The following CDYL2 variants were observed in gnomAD, a reference collection of about 807,000 sequenced individuals.
CDYL2 encodes chromodomain Y-like protein 2.
Under a neutral mutation model 49.4 loss-of-function variants are expected in CDYL2, and 23 were observed. The observed-to-expected ratio is 0.47, with a 90% CI of 0.34 to 0.66. The LOEUF (loss-of-function observed/expected upper bound fraction) is 0.66. Among genes scored for constraint, CDYL2 ranks in the 30% least tolerant of loss-of-function variants. CDYL2 has a pLI of 0.01. For synonymous variants in CDYL2, 360 were observed against 268.8 expected, an observed-to-expected ratio of 1.34 and a Z score of -3.32; for missense variants, 678 against 656.4, an observed-to-expected ratio of 1.03 and a Z score of -0.36.
At chr16:80,654,737 A>G (rs78891651) in intron 2 of CDYL2, among the ~76,000 whole-genome samples, 2,550 of 152,320 alleles carry the variant, frequency 0.017, 57 homozygotes, top group African/African-American at 0.039. Context: ...CGGCATGGAG[A>G]TGGGCCTGTG....
At chr16:80,785,758 A>C (rs1907414960) in intron 1 of CDYL2, among the ~76,000 whole-genome samples, 1 of 152,176 alleles carries the variant, frequency 6.6e-6, no homozygotes, top group African/African-American at 2.4e-5. Context: ...CTGGTACCAA[A>C]ACAGAGATAT....
chr16:80,677,024 G>T (rs1909776415), intron 2 of CDYL2, among the ~76,000 whole-genome samples: 1 of 137,504 alleles, frequency 7.3e-6, no homozygotes, highest in Non-Finnish European at 1.5e-5. Flanking sequence ...AGGCTGGAGT[G>T]CAGTGGCACA....
chr16:80,782,169 G>C (rs1421448953), intron 1 of CDYL2, among the ~76,000 whole-genome samples: 2 of 151,804 alleles, frequency 1.3e-5, no homozygotes, highest in African/African-American at 2.4e-5. Flanking sequence ...TGAAAAAAGA[G>C]AAATTACTAC....
chr16:80,670,454 A>C (rs1457906756), intron 2 of CDYL2, among the ~76,000 whole-genome samples: 1 of 152,120 alleles, frequency 6.6e-6, no homozygotes, highest in Non-Finnish European at 1.5e-5. Context: ...AAGTTTCCTG[A>C]GGCCTCCACA....
At chr16:80,758,650 C>G (rs936493424) in intron 1 of CDYL2, among the ~76,000 whole-genome samples, 1 of 149,268 alleles carries the variant, frequency 6.7e-6, no homozygotes, top group Non-Finnish European at 1.5e-5. Context: ...TCACGCCATT[C>G]TCCTGCCTCA....
chr16:80,634,425 A>G (rs111912763), intron 2 of CDYL2, among the ~76,000 whole-genome samples: 1 of 152,144 alleles, frequency 6.6e-6, no homozygotes, highest in South Asian at 2.1e-4. Context: ...ATGTTCTCAC[A>G]CATAGGTGGG....
intron 4 of CDYL2, among the ~76,000 whole-genome samples, chr16:80,617,230 A>G (rs1405981153): frequency 6.6e-6 from 1 of 152,174 alleles, no homozygotes; most frequent in Non-Finnish European, 1.5e-5. Context: ...TTCTTTAGGC[A>G]AGGATGAGGA....
chr16:80,663,476 T>C (rs1194703171), intron 2 of CDYL2, among the ~76,000 whole-genome samples: 1 of 152,148 alleles, frequency 6.6e-6, no homozygotes, highest in Non-Finnish European at 1.5e-5. Context: ...CATGTTAAAA[T>C]TATGCCAGAT....
intron 1 of CDYL2, among the ~76,000 whole-genome samples, chr16:80,741,363 C>T (rs1002014582): frequency 6.6e-6 from 1 of 151,516 alleles, no homozygotes; most frequent in Non-Finnish European, 1.5e-5. Flanking sequence ...AAAATGCACA[C>T]ACACACTTGT....
chr16:80,675,826 C>T (rs1483516644), intron 2 of CDYL2, among the ~76,000 whole-genome samples: 5 of 152,070 alleles, frequency 3.3e-5, no homozygotes, highest in South Asian at 2.1e-4. Context: ...TGGGGAGGAT[C>T]GCTTCCACTC....
At position 80,621,398 on chromosome 16, in the gene CDYL2, C is replaced by T. The variant is rs373159019; in HGVS notation, c.835-463G>A. ...TCTTTCCTCCAGCTCATACCCCGCA[C>T]GGCCTGCAGGTGCCACATGGCAAGT... On this transcript the variant is annotated intron_variant, in intron 3 of 6. Coordinates refer to ENST00000570137, the MANE Select transcript of CDYL2 (RefSeq NM_152342.4). 5.3e-5 allele frequency among the ~76,000 whole-genome samples: 8 copies of T among 152,380 alleles called. No individual in the cohort carries two copies. In the South Asian group the frequency reaches 1.2e-3, roughly 24 times the overall value.
intron 2 of CDYL2, among the ~76,000 whole-genome samples, chr16:80,661,387 C>G (rs1909038629): frequency 6.6e-6 from 1 of 152,168 alleles, no homozygotes; most frequent in Non-Finnish European, 1.5e-5. Context: ...GGCATATTCC[C>G]CAGAGTCCTT....
chr16:80,642,683 C>A lies in CDYL2; in HGVS notation c.617-9447G>T. On this transcript the variant is annotated intron_variant, in intron 2 of 6. Coordinates refer to ENST00000570137, the MANE Select transcript of CDYL2 (RefSeq NM_152342.4). Reference sequence around the variant, plus strand: ...GGAGGGAGGTGAAAGGCACTTCTTACATAGCAGTGGCAAGAGGAAATAAGG... The same window carrying A: ...GGAGGGAGGTGAAAGGCACTTCTTAAATAGCAGTGGCAAGAGGAAATAAGG... 2.6e-5 allele frequency among the ~76,000 whole-genome samples: 4 copies of A among 152,230 alleles called. 1 individual carries two copies. The Middle Eastern group carries it at 0.014, about 518-fold the overall frequency.
chr16:80,691,055 G>A (rs1449810528), intron 1 of CDYL2, among the ~76,000 whole-genome samples: 1 of 151,174 alleles, frequency 6.6e-6, no homozygotes, highest in Non-Finnish European at 1.5e-5. Flanking sequence ...AAAAAGCAAG[G>A]CCAAAAAAAA....
At chr16:80,714,711 C>G (rs960476971) in intron 1 of CDYL2, among the ~76,000 whole-genome samples, 4 of 152,124 alleles carry the variant, frequency 2.6e-5, no homozygotes. Context: ...ATCCTGGAAC[C>G]CTGACAAGAA....
chr16:80,640,936 A>G (rs190063142), intron 2 of CDYL2, among the ~76,000 whole-genome samples: 196 of 152,320 alleles, frequency 1.3e-3, no homozygotes, highest in South Asian at 2.9e-3. Context: ...AAAAACAGTG[A>G]AGCATGCCTA....
At chr16:80,749,733 A>T (rs955975389) in intron 1 of CDYL2, among the ~76,000 whole-genome samples, 7 of 151,954 alleles carry the variant, frequency 4.6e-5, no homozygotes, top group African/African-American at 9.7e-5. Context: ...AATTTTTTTA[A>T]AAAAATTTAA....
chr16:80,716,800 G>A (rs1343862999), intron 1 of CDYL2, among the ~76,000 whole-genome samples: 4 of 151,786 alleles, frequency 2.6e-5, no homozygotes, highest in Non-Finnish European at 4.4e-5. Flanking sequence ...TGATAATGGA[G>A]GGGTGACTGA....
At chr16:80,732,953 G>A (rs146232556) in intron 1 of CDYL2, among the ~76,000 whole-genome samples, 83 of 152,136 alleles carry the variant, frequency 5.5e-4, no homozygotes, top group African/African-American at 1.8e-3. Flanking sequence ...GAATTGTGTC[G>A]TGAAGTATCA....
Sources: gnomAD v4.1 joint callset for allele counts (sites outside exome capture counted in the v4.1 genomes callset) on GRCh38, gnomAD v4.1.1 for gene constraint, MANE v1.5 for transcripts, NCBI Gene and HGNC (gene_info 2026-07-23, HGNC 2026-07-21) for gene names.